The following MORC4 variants were observed in gnomAD, a reference collection of about 807,000 sequenced individuals.
MORC4 encodes MORC family CW-type zinc finger 4.
MORC4 carries 22 observed loss-of-function variants against 65.5 expected under a neutral mutation model. The observed-to-expected ratio is 0.34, with a 90% CI of 0.24 to 0.48. The LOEUF (loss-of-function observed/expected upper bound fraction) is 0.48. Among genes scored for constraint, MORC4 ranks in the 20% least tolerant of loss-of-function variants. The probability of loss-of-function intolerance (pLI) is 0.99; values close to 1 mark genes in which losing one functional copy is unlikely to be tolerated. For missense variants in MORC4, 624 were observed against 703.0 expected, an observed-to-expected ratio of 0.89 and a Z score of 1.27; for synonymous variants, 267 against 255.8, an observed-to-expected ratio of 1.04 and a Z score of -0.42.
rs1053228605 is a variant in MORC4 at position 106,985,218 on chromosome X, T to C, written c.552A>G (p.Ser184=). 1 of 1,178,769 alleles carries C rather than the reference T, an allele frequency of 8.5e-7. No individual in the cohort carries two copies. The part of the protein sequence containing the change: ...QNKKMIITED[S]LPSLEAILNY... ...TCAAGATGGCTTCTAGGCTGGGCAA[T>C]GAATCCTCGGTAATAATCATTTTTT... The change falls in exon 5 of 17, where the codon TCA becomes TCG. Residue 184 remains serine (S), a synonymous_variant. Transcript: ENST00000355610.
At chrX:106,962,139 A>C in intron 9 of MORC4, 29 bp from the exon 10 acceptor site, 1 of 1,044,054 alleles carries the variant, frequency 9.6e-7, no homozygotes, top group Non-Finnish European at 1.3e-6. Context: ...AGTATGTCAA[A>C]GTTTAGCACT....
intron 8 of MORC4, 34 bp from the exon 9 acceptor site, chrX:106,976,718 T>G: frequency 9.8e-7 from 1 of 1,018,692 alleles, no homozygotes. Context: ...ACACTTACAT[T>G]ACTGTTGGCT....
intron 7 of MORC4, among the ~76,000 whole-genome samples, chrX:106,979,582 G>A (rs376611716): frequency 9.0e-6 from 1 of 110,717 alleles, no homozygotes; most frequent in Admixed American, 9.6e-5. Flanking sequence ...TGACCTTGGG[G>A]GAAATTTTAT....
At chrX:106,995,645 T>C (rs1053310423) in intron 2 of MORC4, among the ~76,000 whole-genome samples, 1 of 112,152 alleles carries the variant, frequency 8.9e-6, no homozygotes, top group Non-Finnish European at 1.9e-5. Context: ...CATTCTTCTG[T>C]TGATGGATGA....
Position 106,954,899 on chromosome X carries a change from T to C in MORC4, c.1685+14A>G, listed in dbSNP as rs377194118. 1.5e-5 allele frequency: 18 copies of C among 1,197,119 alleles called. No individual in the cohort carries two copies. In the African/African-American group the frequency reaches 3.2e-4, roughly 21 times the overall value. On this transcript the variant is annotated intron_variant, in intron 14 of 16. Coordinates refer to ENST00000355610, the MANE Select transcript of MORC4 (RefSeq NM_024657.5). ...AAAGCTTACTATTGACAAGAGATCA[T>C]GCTTTTTAGTCACCTGGAAAACTGT...
At chrX:106,993,460 T>C (rs748220603) in intron 2 of MORC4, 98 bp from the exon 3 acceptor site, 35 of 869,166 alleles carry the variant, frequency 4.0e-5, no homozygotes, top group South Asian at 1.3e-4. Context: ...ATGTCCTTTA[T>C]TTCCTTCATT....
At chrX:106,981,198 C>T in intron 6 of MORC4, 147 bp downstream of exon 6, 2 of 820,302 alleles carry the variant, frequency 2.4e-6, no homozygotes, top group Middle Eastern at 3.0e-4. Flanking sequence ...ATTATCTAAA[C>T]GGTCTCAATG....
Position 106,942,163 on chromosome X carries a change from T to C in MORC4, c.2435A>G (p.His812Arg), listed in dbSNP as rs1283240824. The change falls in exon 16 of 17, where the codon CAT becomes CGT. Residue 812 changes from histidine (H) to arginine (R), a missense_variant. His to Arg is a conservative substitution (Grantham distance 29). Coordinates refer to ENST00000355610, the MANE Select transcript of MORC4 (RefSeq NM_024657.5). ...HWQSEFKKVQ[H>R]ELVIYSTQEA... ...CTGGGTACTGTAGATCACCAATTCA[T>C]GTTGGACTTTCTTGAATTCAGACTG... 1 of 1,208,875 alleles carries C rather than the reference T, an allele frequency of 8.3e-7. No individual in the cohort carries two copies. Among genetic ancestry groups the C allele is most frequent in the Non-Finnish European group, 1.1e-6 (1 of 894,536 alleles).
intron 14 of MORC4, among the ~76,000 whole-genome samples, chrX:106,953,649 T>C (rs1254461059): frequency 9.0e-6 from 1 of 111,573 alleles, no homozygotes; most frequent in Non-Finnish European, 1.9e-5. Context: ...CACCGTTCTA[T>C]TGGTTTTTTG....
intron 9 of MORC4, among the ~76,000 whole-genome samples, chrX:106,973,328 AGAG>A (rs1313743086): frequency 2.7e-5 from 3 of 112,211 alleles, no homozygotes; most frequent in African/African-American, 9.7e-5. Flanking sequence ...CCACAGATGT[AGAG>A]GAGTTTTGCC....
intron 3 of MORC4, among the ~76,000 whole-genome samples, chrX:106,992,979 A>G (rs767464569): frequency 8.9e-6 from 1 of 112,586 alleles, no homozygotes; most frequent in Non-Finnish European, 1.9e-5. Flanking sequence ...TGTCTCAAAC[A>G]TTCTGTACCT....
chrX:106,981,046 GTTA>G (rs756812587), intron 6 of MORC4, 27 bp from the exon 7 acceptor site: 2 of 1,201,565 alleles, frequency 1.7e-6, no homozygotes, highest in East Asian at 3.0e-5. Flanking sequence ...TGAAGGGAAA[GTTA>G]TTATGTGATA....
intron 10 of MORC4, among the ~76,000 whole-genome samples, chrX:106,959,907 A>G (rs1409761576): frequency 8.9e-6 from 1 of 112,758 alleles, no homozygotes; most frequent in East Asian, 2.8e-4. Context: ...AAAATAGAGA[A>G]ATATATACAG....
In MORC4 at chrX:106,958,474, G is replaced by A. The variant is rs1442972848; in HGVS notation, c.1257-10C>T. The A allele has an allele frequency of 3.3e-6, 4 of 1,197,236 alleles. No homozygotes were observed. Among genetic ancestry groups the A allele is most frequent in the Non-Finnish European group, 2.3e-6 (2 of 888,062 alleles). On this transcript the variant is annotated splice_polypyrimidine_tract_variant and intron_variant, in intron 10 of 16. Coordinates refer to ENST00000355610, the MANE Select transcript of MORC4 (RefSeq NM_024657.5). ...CTGGTCAGGAACCTTCCTGAATGAAGGAAAATGGAAGTGTGACTGTGTATA... is the reference window on the plus strand; with the variant it reads ...CTGGTCAGGAACCTTCCTGAATGAAAGAAAATGGAAGTGTGACTGTGTATA...
chrX:106,972,835 G>A (rs1934551166), intron 9 of MORC4, among the ~76,000 whole-genome samples: 1 of 112,721 alleles, frequency 8.9e-6, no homozygotes, highest in African/African-American at 3.2e-5. Context: ...CTACTCGGGA[G>A]GCTGAGGCAG....
intron 9 of MORC4, among the ~76,000 whole-genome samples, chrX:106,964,603 A>T (rs1336564817): frequency 2.7e-5 from 3 of 112,544 alleles, no homozygotes; most frequent in African/African-American, 9.7e-5. Context: ...AGTCAAAGAC[A>T]AAGAGAGAAT....
Position 106,941,372 on chromosome X carries a change from G to GAA in MORC4, c.*106_*107insTT, listed in dbSNP as rs1491130954. ...CTATATAAGGCATAAAGGTGAGGGTGAGAGAGAGAGAGAGAGAGAGAGAGA... is the reference window on the plus strand; with the variant it reads ...CTATATAAGGCATAAAGGTGAGGGTGAAAGAGAGAGAGAGAGAGAGAGAGAGA... On this transcript the variant is annotated 3_prime_UTR_variant, in exon 17 of 17. Transcript: ENST00000355610. 1 of 20,492 alleles carries GAA rather than the reference G, an allele frequency of 4.9e-5. No homozygotes were observed. The highest frequency in any genetic ancestry group is 7.2e-5 in the Non-Finnish European group (1 of 13,881). The allele number at this position is 20,492 out of a possible 1,213,427, so 1.7% of individuals were successfully genotyped here.
chrX:106,954,813 C>T, intron 14 of MORC4, 100 bp downstream of exon 14: 1 of 773,706 alleles, frequency 1.3e-6, no homozygotes, highest in Non-Finnish European at 1.9e-6. Context: ...CCATGCTAGG[C>T]CTTAGAAAAA....
chrX:106,970,004 G>A (rs1332226038), intron 9 of MORC4, among the ~76,000 whole-genome samples: 1 of 111,532 alleles, frequency 9.0e-6, no homozygotes, highest in African/African-American at 3.3e-5. Flanking sequence ...TGATACCAAA[G>A]CCTGGCAGAG....
Sources: allele counts gnomAD v4.1 joint callset (sites outside exome capture counted in the v4.1 genomes callset), GRCh38; gene constraint gnomAD v4.1.1; transcripts MANE v1.5; gene names NCBI Gene and HGNC (gene_info 2026-07-23, HGNC 2026-07-21).